The following UNC13B variants were observed in gnomAD, a reference collection of about 807,000 sequenced individuals.
UNC13B encodes unc-13 homolog B.
UNC13B carries 144 observed loss-of-function variants against 211.0 expected under a neutral mutation model. That is an observed-to-expected ratio of 0.68 (90% confidence interval 0.60 to 0.78). The LOEUF is 0.78. Ranked by LOEUF, UNC13B falls within the 30% of genes least tolerant of loss-of-function variation. The pLI, the probability that UNC13B is intolerant of heterozygous loss-of-function variation, is 0.00. For synonymous variants in UNC13B, 709 were observed against 725.8 expected, an observed-to-expected ratio of 0.98 and a Z score of 0.37; for missense variants, 1,777 against 2,002.0, an observed-to-expected ratio of 0.89 and a Z score of 2.14.
chr9:35,231,061 T>G, intron 2 of UNC13B, 59 bp from the exon 3 acceptor site: 4 of 1,143,864 alleles, frequency 3.5e-6, no homozygotes, highest in Non-Finnish European at 5.2e-6. Context: ...AAGGGCTTTG[T>G]GAGATGGGTA....
intron 3 of UNC13B, among the ~76,000 whole-genome samples, chr9:35,232,177 C>CTTTTTTTTGTTT (rs1825245298): frequency 3.2e-5 from 1 of 31,536 alleles, no homozygotes; most frequent in African/African-American, 1.2e-4. Flanking sequence ...TATATTGCTG[C>CTTTTTTTTGTTT]TTTTTTTTTT....
At chr9:35,328,244 G>A (rs532492842) in intron 11 of UNC13B, among the ~76,000 whole-genome samples, 11 of 152,184 alleles carry the variant, frequency 7.2e-5, no homozygotes, top group African/African-American at 2.4e-4. Flanking sequence ...GGCTGGTCTC[G>A]AATTCCTGAC....
rs1055653272 is a variant in UNC13B, at chr9:35,397,190, A to G, written c.11556A>G (p.Ala3852=). 51 of 1,613,766 alleles carry G rather than the reference A, an allele frequency of 3.2e-5. No individual in the cohort carries two copies. Among genetic ancestry groups the G allele is most frequent in the Non-Finnish European group, 4.1e-5 (48 of 1,179,978 alleles). The part of the protein sequence containing the change: ...KDGFQQTSEH[A]LFSCSVVDVF... ...AGTTCCAGCAGACATCAGAGCATGC[A>G]CTCTTTTCCTGCTCTGTGGTGGATG... is the stretch of plus-strand genomic sequence containing the variant. Residue 3852 remains alanine (A), a synonymous_variant, in exon 29 of 40, where the codon GCA becomes GCG. Coordinates refer to ENST00000635942, the MANE Select transcript of UNC13B (RefSeq NM_001371189.2).
At chr9:35,165,066 T>G (rs1382455814) in intron 1 of UNC13B, among the ~76,000 whole-genome samples, 1 of 152,232 alleles carries the variant, frequency 6.6e-6, no homozygotes, top group Non-Finnish European at 1.5e-5. Flanking sequence ...ATTAGAATAA[T>G]GAAACATGTA....
At chr9:35,384,526 A>G (rs931626868) in intron 22 of UNC13B, 3 of 985,340 alleles carry the variant, frequency 3.0e-6, no homozygotes, top group Non-Finnish European at 3.6e-6. Flanking sequence ...GTTAGTTTTT[A>G]TAGACAGTTG....
intron 1 of UNC13B, among the ~76,000 whole-genome samples, chr9:35,200,362 A>G (rs1234332184): frequency 5.9e-5 from 9 of 152,122 alleles, no homozygotes; most frequent in Non-Finnish European, 1.2e-4. Context: ...GTTTTTTCCA[A>G]TTCTGTGAAG....
chr9:35,293,034 A>T (rs1432679574), intron 7 of UNC13B, among the ~76,000 whole-genome samples: 1 of 152,206 alleles, frequency 6.6e-6, no homozygotes, highest in Non-Finnish European at 1.5e-5. Flanking sequence ...GCTTGGTGCC[A>T]GGAGGTTTAC....
In UNC13B at chr9:35,300,964, G is replaced by A; in HGVS notation, c.1560G>A (p.Lys520=). 1 of 398,942 alleles carries A rather than the reference G, an allele frequency of 2.5e-6. No homozygotes were observed. Among genetic ancestry groups the A allele is most frequent in the South Asian group, 1.3e-4 (1 of 7,860 alleles). 24.7% of individuals were successfully genotyped at this position (398,942 alleles called of 1,614,324 possible). A position where few individuals can be genotyped will look rare whatever the true frequency, so the allele number is the denominator to read the frequency against. The change falls in exon 9 of 40, where the codon AAG becomes AAA. Residue 520 remains lysine, a synonymous_variant. Transcript: ENST00000635942. The part of the protein sequence containing the change: ...IPPLTIVKND[K]DTAISFPELT... ...CTTTAACTATTGTCAAGAATGACAA[G>A]GACACGGCCATCTCTTTCCCTGAGT...
chr9:35,294,165 G>A (rs1198860452), intron 7 of UNC13B, among the ~76,000 whole-genome samples: 3 of 151,976 alleles, frequency 2.0e-5, no homozygotes, highest in African/African-American at 4.8e-5. Context: ...TTACAATTCT[G>A]TCTGGAATTT....
rs776939055 is a variant in UNC13B at position 35,237,825 on chromosome 9, T to G, written c.393T>G (p.Phe131Leu). 7.9e-5 allele frequency: 127 copies of G among 1,600,628 alleles called. No homozygotes were observed. Among genetic ancestry groups the G allele is most frequent in the Non-Finnish European group, 1.0e-4 (120 of 1,176,850 alleles). Reference sequence around the variant, plus strand: ...TTGATACAAGATTTGAGTTGCCTTTTGGTGAGTAAAATTTTAAAACTATTT... The same window carrying G: ...TTGATACAAGATTTGAGTTGCCTTTGGGTGAGTAAAATTTTAAAACTATTT... ...ILLDTRFELP[F>L]DIPEEEARYW... The change falls in exon 5 of 40, where the codon TTT (phenylalanine) becomes TTG (leucine). Residue 131 changes from phenylalanine (F) to leucine (L), a missense_variant and splice_region_variant. By Grantham distance (22) the Phe-to-Leu change is conservative. Transcript: ENST00000635942.
intron 11 of UNC13B, among the ~76,000 whole-genome samples, chr9:35,355,518 GT>G (rs1832971051): frequency 1.3e-5 from 2 of 152,266 alleles, no homozygotes; most frequent in South Asian, 4.1e-4. Flanking sequence ...TTGGTCTCTA[GT>G]TTATATTTCC....
At chr9:35,243,213 A>G in intron 5 of UNC13B, 78 bp from the exon 6 acceptor site, 3 of 1,401,580 alleles carry the variant, frequency 2.1e-6, no homozygotes, top group Middle Eastern at 1.8e-4. Flanking sequence ...GTCATTAGAC[A>G]GAGTAAAGTG....
chr9:35,298,784 TTAATC>T (rs1386338747), intron 8 of UNC13B, among the ~76,000 whole-genome samples: 1 of 152,210 alleles, frequency 6.6e-6, no homozygotes, highest in Non-Finnish European at 1.5e-5. Context: ...AAGGCAGTCT[TTAATC>T]TAAGTGAAAG....
At chr9:35,300,057 A>G (rs1829595878) in intron 8 of UNC13B, 109 bp from the exon 9 acceptor site, 1 of 397,368 alleles carries the variant, frequency 2.5e-6, no homozygotes, top group African/African-American at 2.1e-5. Flanking sequence ...GATAAATACT[A>G]CAGCCAACAA....
chr9:35,397,779 C>T (rs1835985292), intron 30 of UNC13B, 67 bp downstream of exon 30: 1 of 1,557,886 alleles, frequency 6.4e-7, no homozygotes, highest in Non-Finnish European at 8.8e-7. Context: ...GCTTTTGAAG[C>T]TGTCCTCAGA....
chr9:35,403,139 G>T, intron 37 of UNC13B, 28 bp from the exon 38 acceptor site: 1 of 1,610,386 alleles, frequency 6.2e-7, no homozygotes, highest in South Asian at 1.1e-5. Flanking sequence ...TTCTCCAATG[G>T]GGAATCATCT....
chr9:35,274,623 G>A (rs72725026), intron 7 of UNC13B, among the ~76,000 whole-genome samples: 4,003 of 152,206 alleles, frequency 0.026, 78 homozygotes, highest in Non-Finnish European at 0.042. Flanking sequence ...AAATTTGGGG[G>A]ACAAATGCCA....
intron 10 of UNC13B, 135 bp from the exon 11 acceptor site, chr9:35,313,764 G>A: frequency 3.1e-6 from 2 of 648,642 alleles, no homozygotes; most frequent in South Asian, 3.7e-5. Context: ...TGCTGTTTTA[G>A]TAGCCTGAAT....
intron 4 of UNC13B, among the ~76,000 whole-genome samples, chr9:35,237,364 A>C (rs1825570610): frequency 6.6e-6 from 1 of 152,188 alleles, no homozygotes; most frequent in African/African-American, 2.4e-5. Flanking sequence ...CAATGTTAGT[A>C]GCTTTTTACT....
Sources: allele counts gnomAD v4.1 joint callset (sites outside exome capture counted in the v4.1 genomes callset), GRCh38; gene constraint gnomAD v4.1.1; transcripts MANE v1.5; gene names NCBI Gene and HGNC (gene_info 2026-07-23, HGNC 2026-07-21).